The following PRKN variants were observed in gnomAD, a reference collection of about 807,000 sequenced individuals.
The protein encoded by PRKN is E3 ubiquitin-protein ligase parkin.
Under a neutral mutation model 59.5 loss-of-function variants are expected in PRKN, and 56 were observed. The ratio of observed to expected loss-of-function variants is 0.94; its 90% CI spans 0.76 to 1.18. The LOEUF (loss-of-function observed/expected upper bound fraction) is 1.18, where lower values mean the gene tolerates loss of function less well. Among genes scored for constraint, PRKN ranks in the 50% most tolerant of loss-of-function variants. PRKN has a pLI of 0.00. For synonymous variants in PRKN, 250 were observed against 222.1 expected, an observed-to-expected ratio of 1.13 and a Z score of -1.12; for missense variants, 657 against 596.4, an observed-to-expected ratio of 1.10 and a Z score of -1.06.
At chr6:162,261,968 TTC>T (rs1779906957) in intron 3 of PRKN, among the ~76,000 whole-genome samples, 1 of 152,176 alleles carries the variant, frequency 6.6e-6, no homozygotes, top group Non-Finnish European at 1.5e-5. Flanking sequence ...GAAAATCAAC[TTC>T]TACCCTGTAA....
chr6:162,692,247 T>G (rs1458156032), intron 1 of PRKN, among the ~76,000 whole-genome samples: 1 of 151,858 alleles, frequency 6.6e-6, no homozygotes, highest in Non-Finnish European at 1.5e-5. Context: ...ATCAAGAGAC[T>G]TGTGCAGTAA....
At chr6:162,110,616 A>C (rs1345747528) in intron 4 of PRKN, among the ~76,000 whole-genome samples, 1 of 152,228 alleles carries the variant, frequency 6.6e-6, no homozygotes, top group Non-Finnish European at 1.5e-5. Context: ...AAGACCGTTG[A>C]AGAATAGCAT....
At chr6:162,253,350 C>T (rs1223544424) in intron 3 of PRKN, among the ~76,000 whole-genome samples, 2 of 151,458 alleles carry the variant, frequency 1.3e-5, no homozygotes, top group Admixed American at 6.6e-5. Context: ...AATCATACAA[C>T]CCACTAAATG....
At chr6:162,435,025 A>G (rs1789705806) in intron 2 of PRKN, among the ~76,000 whole-genome samples, 1 of 152,248 alleles carries the variant, frequency 6.6e-6, no homozygotes, top group East Asian at 1.9e-4. Flanking sequence ...AAAATCTCAG[A>G]TAACATCAGG....
intron 7 of PRKN, among the ~76,000 whole-genome samples, chr6:161,597,134 T>G (rs2128142394): frequency 6.6e-6 from 1 of 152,278 alleles, no homozygotes; most frequent in South Asian, 2.1e-4. Flanking sequence ...TGATGAGATG[T>G]TATCTTGAGC....
At chr6:162,474,145 CA>C (rs1367098478) in intron 1 of PRKN, among the ~76,000 whole-genome samples, 1 of 152,098 alleles carries the variant, frequency 6.6e-6, no homozygotes, top group African/African-American at 2.4e-5. Context: ...TCTGAGAGAA[CA>C]AAGTACAGAA....
intron 3 of PRKN, among the ~76,000 whole-genome samples, chr6:162,239,777 G>T (rs775545107): frequency 4.6e-5 from 7 of 151,572 alleles, no homozygotes; most frequent in Non-Finnish European, 2.9e-5. Flanking sequence ...CAGCTGAAAC[G>T]GGTGTTCTCA....
chr6:162,014,342 C>T (rs905141326), intron 5 of PRKN, among the ~76,000 whole-genome samples: 12 of 152,160 alleles, frequency 7.9e-5, no homozygotes, highest in African/African-American at 2.9e-4. Flanking sequence ...GGCTTTTTTA[C>T]GTACTCACAC....
At chr6:161,843,152 C>T (rs1793060010) in intron 6 of PRKN, among the ~76,000 whole-genome samples, 1 of 152,108 alleles carries the variant, frequency 6.6e-6, no homozygotes, top group Non-Finnish European at 1.5e-5. Context: ...AAGAGGATTG[C>T]ATAATTTAAG....
rs370679940 is a variant in PRKN at position 162,461,429 on chromosome 6, G to C, written c.8-17956C>G. On this transcript the variant is annotated intron_variant, in intron 1 of 11. Transcript: ENST00000366898. ...AGGCAAGAGAATCACTTGAACCTGGGAGGTGGAGGCTGCAGTGAGCTGAGA... is the reference window on the plus strand; with the variant it reads ...AGGCAAGAGAATCACTTGAACCTGGCAGGTGGAGGCTGCAGTGAGCTGAGA... Among the ~76,000 whole-genome samples the C allele has an allele frequency of 2.5e-4, 36 of 146,908 alleles. No homozygotes were observed. In the East Asian group the frequency reaches 3.2e-3, roughly 13 times the overall value.
Position 162,179,905 on chromosome 6 carries a change from C to A in PRKN, c.534+21226G>T, listed in dbSNP as rs1300693062. On this transcript the variant is annotated intron_variant, in intron 4 of 11. Transcript: ENST00000366898. Reference sequence around the variant, plus strand: ...CTATTTAGTGTTTGCCTCCTCTTCCCATTTTTTTTTCCTTTGACAGAAAAA... The same window carrying A: ...CTATTTAGTGTTTGCCTCCTCTTCCAATTTTTTTTTCCTTTGACAGAAAAA... Among the ~76,000 whole-genome samples the A allele has an allele frequency of 2.5e-5, 3 of 122,168 alleles. 1 individual carries two copies. Among genetic ancestry groups the A allele is most frequent in the Admixed American group, 2.5e-4 (3 of 12,230 alleles). The allele number at this position is 122,168 out of a possible 152,430, so 80.1% of individuals were successfully genotyped here.
intron 5 of PRKN, among the ~76,000 whole-genome samples, chr6:162,036,195 G>A (rs1406282588): frequency 1.3e-5 from 2 of 151,464 alleles, no homozygotes; most frequent in South Asian, 2.1e-4. Context: ...GTGGTGGCGG[G>A]CGCCTGTAGT....
chr6:162,190,419 C>G (rs1405908656), intron 4 of PRKN, among the ~76,000 whole-genome samples: 1 of 152,184 alleles, frequency 6.6e-6, no homozygotes, highest in Non-Finnish European at 1.5e-5. Context: ...AGTGTCAACT[C>G]TCCCTCAACC....
Position 161,456,634 on chromosome 6 carries a change from C to T in PRKN, c.1084-69757G>A, listed in dbSNP as rs1437856852. On this transcript the variant is annotated intron_variant, in intron 9 of 11. Coordinates refer to ENST00000366898, the MANE Select transcript of PRKN (RefSeq NM_004562.3). This position sits in a 1 kb window ranked among gnomAD's most constrained non-coding sequence, Gnocchi z 4.8. ...CCCTGACTAATAATCTCCCACATCA[C>T]CAGCTTGAATCCTGCCCAAGAATAA... Among the ~76,000 whole-genome samples the T allele has an allele frequency of 1.3e-5, 2 of 151,012 alleles. No individual in the cohort carries two copies. Among genetic ancestry groups the T allele is most frequent in the African/African-American group, 2.4e-5 (1 of 40,880 alleles).
intron 4 of PRKN, among the ~76,000 whole-genome samples, chr6:162,078,527 T>C (rs9365366): frequency 0.81 from 123,184 of 151,962 alleles, 50,112 homozygotes; most frequent in Admixed American, 0.88. Flanking sequence ...TAGATGACAT[T>C]TACCATTCTC....
At chr6:161,556,771 T>A (rs938392478) in intron 8 of PRKN, among the ~76,000 whole-genome samples, 2 of 152,214 alleles carry the variant, frequency 1.3e-5, no homozygotes, top group African/African-American at 4.8e-5. Flanking sequence ...TGGAGGAATG[T>A]GATTAATTTA....
intron 1 of PRKN, among the ~76,000 whole-genome samples, chr6:162,638,064 T>A (rs1273227396): frequency 6.6e-6 from 1 of 152,138 alleles, no homozygotes; most frequent in Admixed American, 6.5e-5. Context: ...GTTTCATTTT[T>A]TAAAAAAATA....
chr6:161,947,675 A>G (rs189025992), intron 6 of PRKN, among the ~76,000 whole-genome samples: 1 of 152,342 alleles, frequency 6.6e-6, no homozygotes, highest in African/African-American at 2.4e-5. Context: ...CCTTTCAGTG[A>G]AACAGAGTTG....
At position 162,389,017 on chromosome 6, in the gene PRKN, A is replaced by AAAAAC. The variant is rs1554312381; in HGVS notation, c.171+54292_171+54293insGTTTT. On this transcript the variant is annotated intron_variant, in intron 2 of 11. Transcript: ENST00000366898. ...CTTTCAGTTCCTCCAGAAAAAAAAA[A>AAAAAC]AAAAAAACAAAAAAACCTGACCCTC... 6.2e-3 allele frequency among the ~76,000 whole-genome samples: 941 copies of AAAAAC among 151,194 alleles called. 9 individuals carry two copies. The highest frequency in any genetic ancestry group is 0.014 in the Middle Eastern group (4 of 292).
Sources: gnomAD v4.1 joint callset for allele counts (sites outside exome capture counted in the v4.1 genomes callset) on GRCh38, gnomAD v4.1.1 for gene constraint, Gnocchi (gnomAD v3.1) non-coding constraint, MANE v1.5 for transcripts, NCBI Gene and HGNC (gene_info 2026-07-23, HGNC 2026-07-21) for gene names.